The following MAST2 variants were observed in gnomAD, a reference collection of about 807,000 sequenced individuals.
MAST2 encodes the protein microtubule-associated serine/threonine-protein kinase 2.
Under a neutral mutation model 147.4 loss-of-function variants are expected in MAST2, and 70 were observed. That is an observed-to-expected ratio of 0.47 (90% confidence interval 0.39 to 0.58). The LOEUF (loss-of-function observed/expected upper bound fraction) is 0.58. MAST2 is among the 20% of genes least tolerant of loss of function. The pLI is 0.00. For missense variants in MAST2, 2,080 were observed against 2,302.3 expected (o/e 0.90, Z 1.98); for synonymous variants, 869 against 896.8 (o/e 0.97, Z 0.55).
At chr1:45,968,476 T>G (rs1314809478) in intron 5 of MAST2, among the ~76,000 whole-genome samples, 8 of 115,326 alleles carry the variant, frequency 6.9e-5, no homozygotes, top group Non-Finnish European at 1.2e-4. Flanking sequence ...GCTTGGTTTT[T>G]TTGTTGTTTT....
At chr1:45,969,953 G>A (rs1166910689) in intron 5 of MAST2, among the ~76,000 whole-genome samples, 1 of 152,082 alleles carries the variant, frequency 6.6e-6, no homozygotes, top group African/African-American at 2.4e-5. Flanking sequence ...AACTTCTCCA[G>A]TGCTTCTCAG....
At chr1:45,947,306 TAAA>T (rs55827908) in intron 4 of MAST2, among the ~76,000 whole-genome samples, 1,212 of 112,598 alleles carry the variant, frequency 0.011, 11 homozygotes, top group East Asian at 0.037. Context: ...TGATGAGCTT[TAAA>T]AAAAAAAAAA....
intron 4 of MAST2, among the ~76,000 whole-genome samples, chr1:45,942,054 C>T (rs1267486527): frequency 6.6e-6 from 1 of 152,082 alleles, no homozygotes; most frequent in African/African-American, 2.4e-5. Context: ...ATAGTTTTGA[C>T]TTTGCTGTCC....
chr1:45,913,621 A>G (rs1283659558), intron 4 of MAST2: 3 of 998,584 alleles, frequency 3.0e-6, no homozygotes, highest in Non-Finnish European at 3.6e-6. Context: ...TCACTGTCCC[A>G]CTGCTGCCTC....
In MAST2 at chr1:45,839,970, T is replaced by C. The variant is rs547062763; in HGVS notation, c.468+10389T>C. On this transcript the variant is annotated intron_variant, in intron 3 of 28. Transcript: ENST00000361297. Reference sequence around the variant, plus strand: ...TACCTCATGCTGTACAAAAATTAACTTGAAGTGGGTAATTGAACAAATGTA... The same window carrying C: ...TACCTCATGCTGTACAAAAATTAACCTGAAGTGGGTAATTGAACAAATGTA... 4.2e-4 allele frequency among the ~76,000 whole-genome samples: 64 copies of C among 152,268 alleles called. 3 individuals are homozygous for C. The South Asian group carries it at 0.013, about 32-fold the overall frequency.
rs1254946982 is a variant in MAST2, at chr1:45,803,812, G to T, written c.-84G>T. The T allele has an allele frequency of 7.8e-6, 3 of 383,698 alleles. No individual in the cohort carries two copies. The highest frequency in any genetic ancestry group is 1.3e-5 in the Non-Finnish European group (3 of 222,416). The allele number at this position is 383,698 out of a possible 1,614,324, so 23.8% of individuals were successfully genotyped here. A position where few individuals can be genotyped will look rare whatever the true frequency, so the allele number is the denominator to read the frequency against. On this transcript the variant is annotated 5_prime_UTR_variant, in exon 1 of 29. Coordinates refer to ENST00000361297, the MANE Select transcript of MAST2 (RefSeq NM_015112.3). ...TCCGGCCATGGTGGCCGCGGGTGGTGGTTGGCGCGGCTGCGCTGCGGCCCG... is the reference window on the plus strand; with the variant it reads ...TCCGGCCATGGTGGCCGCGGGTGGTTGTTGGCGCGGCTGCGCTGCGGCCCG...
chr1:46,010,911 A>G lies in MAST2; in HGVS notation c.1160A>G (p.Gln387Arg). The change falls in exon 10 of 29, where the codon CAA becomes CGA. Residue 387 changes from glutamine (Q) to arginine (R), a missense_variant. Gln to Arg is a conservative substitution (Grantham distance 43, BLOSUM62 1). Transcript: ENST00000361297. ...LITSQYFYEL[Q>R]DNLEKLLQDA... ...ACATCACAATACTTCTACGAACTTCAAGATAATTTGGAGAAACTTTTACAA... is the reference window on the plus strand; with the variant it reads ...ACATCACAATACTTCTACGAACTTCGAGATAATTTGGAGAAACTTTTACAA... 5.0e-6 allele frequency: 8 copies of G among 1,614,126 alleles called. No homozygotes were observed. The highest frequency in any genetic ancestry group is 6.8e-6 in the Non-Finnish European group (8 of 1,180,012).
chr1:46,020,127 GA>G (rs1314497102), intron 11 of MAST2, among the ~76,000 whole-genome samples: 1 of 152,218 alleles, frequency 6.6e-6, no homozygotes, highest in Non-Finnish European at 1.5e-5. Flanking sequence ...GTGGAGTTGG[GA>G]AGCATGAGGC....
intron 1 of MAST2, among the ~76,000 whole-genome samples, chr1:45,804,974 T>A (rs181453295): frequency 1.3e-3 from 195 of 152,346 alleles, no homozygotes; most frequent in South Asian, 5.0e-3. Context: ...TCCTACTGAC[T>A]TCATCCATGA....
intron 3 of MAST2, among the ~76,000 whole-genome samples, chr1:45,857,913 T>G (rs1645846176): frequency 6.8e-6 from 1 of 147,494 alleles, no homozygotes; most frequent in Non-Finnish European, 1.5e-5. Context: ...GTTTCCAGCT[T>G]CATCCATGTC....
chr1:46,034,558 A>G lies in MAST2; in HGVS notation c.3889A>G (p.Ser1297Gly). 1 of 1,613,578 alleles carries G rather than the reference A, an allele frequency of 6.2e-7. No homozygotes were observed. The highest frequency in any genetic ancestry group is 8.5e-7 in the Non-Finnish European group (1 of 1,179,818). ...CAAAGTGGGAGGGAATTCATCACAGAGCAGCTCCCCCAGCTCCAGCGTGCC... is the reference window on the plus strand; with the variant it reads ...CAAAGTGGGAGGGAATTCATCACAGGGCAGCTCCCCCAGCTCCAGCGTGCC... Reference protein sequence around the residue: ...VHSVGGNSSQSSSPSSSVPSS... With the variant: ...VHSVGGNSSQGSSPSSSVPSS... The change falls in exon 29 of 29, where the codon AGC (serine) becomes GGC (glycine). Residue 1297 changes from serine to glycine, a missense_variant. This residue lies in a region of MAST2 where 1,278 missense variants were observed against 1,304.2 expected (regional missense o/e 0.98). Transcript: ENST00000361297.
chr1:45,804,173 T>C, intron 1 of MAST2, 101 bp downstream of exon 1: 1 of 1,222,658 alleles, frequency 8.2e-7, no homozygotes. Flanking sequence ...AGGGGTGGGG[T>C]CTGAGTAGTT....
chr1:45,926,402 T>A (rs1654368849), intron 4 of MAST2, among the ~76,000 whole-genome samples: 4 of 150,572 alleles, frequency 2.7e-5, no homozygotes, highest in Non-Finnish European at 4.4e-5. Flanking sequence ...TTTTCTCATA[T>A]TCTTATTTTC....
At chr1:45,967,106 C>T (rs746306927) in intron 5 of MAST2, among the ~76,000 whole-genome samples, 3 of 151,960 alleles carry the variant, frequency 2.0e-5, no homozygotes, top group Admixed American at 6.6e-5. Context: ...GAGAGTCTCA[C>T]TCTGTCACCC....
chr1:45,950,740 C>T (rs1232780277), intron 4 of MAST2, among the ~76,000 whole-genome samples: 5 of 152,280 alleles, frequency 3.3e-5, no homozygotes, highest in African/African-American at 9.6e-5. Context: ...AACCAATCTC[C>T]CCTAAGTGAA....
chr1:45,854,853 G>C (rs576295944), intron 3 of MAST2, among the ~76,000 whole-genome samples: 2 of 152,286 alleles, frequency 1.3e-5, no homozygotes, highest in Non-Finnish European at 2.9e-5. Context: ...TTTAGATCCA[G>C]TTTCAGTCCT....
At chr1:45,850,783 G>A (rs1314987576) in intron 3 of MAST2, among the ~76,000 whole-genome samples, 1 of 148,136 alleles carries the variant, frequency 6.8e-6, no homozygotes, top group Non-Finnish European at 1.5e-5. Flanking sequence ...TTATTTCTGG[G>A]TTCTCTATTC....
rs1222457337 is a variant in MAST2, at chr1:45,829,509, A to G, written c.396A>G (p.Gly132=). The G allele has an allele frequency of 6.8e-6, 11 of 1,614,070 alleles. No homozygotes were observed. The Middle Eastern group carries it at 8.2e-4, about 121-fold the overall frequency. ...SVGQVTWQSS[G]EASNLVRMRN... ...GACAGGTGACTTGGCAGTCGTCAGG[A>G]GAAGCATCAAACCTGGTTCGAATGA... Residue 132 remains glycine, a synonymous_variant, in exon 3 of 29, where the codon GGA becomes GGG. Transcript: ENST00000361297.
intron 6 of MAST2, among the ~76,000 whole-genome samples, chr1:46,000,468 C>G (rs998566941): frequency 1.6e-4 from 25 of 152,256 alleles, no homozygotes; most frequent in African/African-American, 5.3e-4. Flanking sequence ...GAGGGAACAG[C>G]CTGTTCCATT....
Sources: allele counts gnomAD v4.1 joint callset (sites outside exome capture counted in the v4.1 genomes callset), GRCh38; gene constraint gnomAD v4.1.1; regional missense constraint gnomAD v4.1.1; transcripts MANE v1.5; gene names NCBI Gene and HGNC (gene_info 2026-07-23, HGNC 2026-07-21).